Variants in CCDC171 observed in about 807,000 individuals in gnomAD.
CCDC171 encodes coiled-coil domain-containing protein 171.
CCDC171 carries 177 observed loss-of-function variants against 168.2 expected under a neutral mutation model. The ratio of observed to expected loss-of-function variants is 1.05; its 90% confidence interval spans 0.93 to 1.19. The LOEUF is 1.19. Among genes scored for constraint, CCDC171 ranks in the 50% most tolerant of loss-of-function variants. The probability of loss-of-function intolerance (pLI) is 0.00; values close to 1 mark genes in which losing one functional copy is unlikely to be tolerated. For missense variants in CCDC171, 1,991 were observed against 1,539.0 expected (o/e 1.29, Z -4.91); for synonymous variants, 687 against 540.8 (o/e 1.27, Z -3.75).
At chr9:16,100,700 G>T in the CCDC171 span, among the ~76,000 whole-genome samples, 1 of 152,180 alleles carries the variant, frequency 6.6e-6, no homozygotes, top group African/African-American at 2.4e-5. Flanking sequence ...TGCTGGCAAG[G>T]GTTGGAAGCA....
chr9:16,062,590 T>C (rs761843920), downstream of CCDC171, among the ~76,000 whole-genome samples: 31 of 152,198 alleles, frequency 2.0e-4, no homozygotes, highest in Admixed American at 3.3e-4. Context: ...AGTAAGGAGA[T>C]GACAAATTCA....
intron 4 of CCDC171, among the ~76,000 whole-genome samples, chr9:15,589,379 G>C (rs1458853781): frequency 6.6e-6 from 1 of 152,128 alleles, no homozygotes; most frequent in Non-Finnish European, 1.5e-5. Context: ...CACTGAGATG[G>C]CACTCCTCAA....
intron 21 of CCDC171, among the ~76,000 whole-genome samples, chr9:15,827,642 T>C (rs151337481): frequency 1.6e-3 from 244 of 152,314 alleles, no homozygotes; most frequent in Middle Eastern, 3.4e-3. Flanking sequence ...ATTAAAAGTT[T>C]CCATGTATCT....
At chr9:16,081,159 G>A in the CCDC171 span, among the ~76,000 whole-genome samples, 3 of 152,156 alleles carry the variant, frequency 2.0e-5, no homozygotes, top group Non-Finnish European at 4.4e-5. Context: ...AGCCCAGTGG[G>A]TTCTAACATG....
At chr9:15,807,857 T>C (rs2059150566) in intron 21 of CCDC171, among the ~76,000 whole-genome samples, 1 of 151,162 alleles carries the variant, frequency 6.6e-6, no homozygotes, top group African/African-American at 2.4e-5. Flanking sequence ...CTTGGAATCT[T>C]CCTTCTTGCT....
downstream of CCDC171, among the ~76,000 whole-genome samples, chr9:15,975,697 A>G (rs1354791200): frequency 6.6e-6 from 1 of 152,180 alleles, no homozygotes; most frequent in African/African-American, 2.4e-5. Flanking sequence ...TATGCCAAAT[A>G]AAGCTGATCA....
intron 10 of CCDC171, among the ~76,000 whole-genome samples, chr9:15,691,541 GTTTTTTATATATAT>G (rs1482331489): frequency 4.4e-5 from 5 of 114,836 alleles, no homozygotes; most frequent in South Asian, 2.9e-4. Flanking sequence ...GTAAATATAT[GTTTTTTATATATAT>G]ATATATATAT....
chr9:15,888,930 T>C (rs1398502561), intron 24 of CCDC171: 1 of 150,272 alleles, frequency 6.7e-6, no homozygotes, highest in Non-Finnish European at 1.5e-5. Flanking sequence ...ATATATGGTA[T>C]ATGCCTCATT....
intron 13 of CCDC171, 69 bp from the exon 14 acceptor site, chr9:15,724,707 T>C (rs532506094): frequency 1.0e-6 from 1 of 956,264 alleles, no homozygotes; most frequent in Non-Finnish European, 1.7e-6. Context: ...ATATGTGTTT[T>C]ATACTAGTGT....
the CCDC171 span, among the ~76,000 whole-genome samples, chr9:16,102,553 C>T: frequency 8.6e-5 from 13 of 151,984 alleles, no homozygotes; most frequent in African/African-American, 1.2e-4. Context: ...AAGGTGAAAC[C>T]GTCTAGAACC....
rs576705424 is a variant in CCDC171 at position 15,587,625 on chromosome 9, G to T, written c.353-3741G>T. 1.9e-4 allele frequency: 89 copies of T among 456,568 alleles called. No homozygotes were observed. The Middle Eastern group carries it at 7.5e-3, about 38-fold the overall frequency. 28.3% of individuals were successfully genotyped at this position (456,568 alleles called of 1,614,324 possible). On this transcript the variant is annotated intron_variant, in intron 4 of 25. Coordinates refer to ENST00000380701, the MANE Select transcript of CCDC171 (RefSeq NM_173550.4). ...ATGTTGGAGGTTTCCCAATAAATGA[G>T]CCATCCAGATCCTTCTCCAGCGAAG...
chr9:16,015,860 C>T (rs1016912528), intron 3 of CCDC171, among the ~76,000 whole-genome samples: 5 of 152,186 alleles, frequency 3.3e-5, no homozygotes, highest in African/African-American at 4.8e-5. Context: ...TAAGTTGACT[C>T]CTACAGTGTT....
rs141195707 is a variant in CCDC171 at position 15,806,164 on chromosome 9, C to T, written c.3267+21470C>T. On this transcript the variant is annotated intron_variant, in intron 21 of 25. Transcript: ENST00000380701. ...GATGAGTCTCTTGAAGACAGCATAC[C>T]GATGGGTCTTGGTTCTTTATCTAGC... 3.5e-4 allele frequency among the ~76,000 whole-genome samples: 53 copies of T among 152,072 alleles called. 2 individuals carry two copies. Among genetic ancestry groups the T allele is most frequent in the African/African-American group, 1.0e-3 (42 of 41,496 alleles).
chr9:15,860,611 A>G, intron 23 of CCDC171, among the ~76,000 whole-genome samples: 1 of 151,998 alleles, frequency 6.6e-6, no homozygotes, highest in East Asian at 1.9e-4. Context: ...ATAGTCAGAA[A>G]AGAAACTTGG....
intron 5 of CCDC171, among the ~76,000 whole-genome samples, chr9:15,593,221 G>A (rs773205198): frequency 9.9e-5 from 15 of 152,110 alleles, no homozygotes; most frequent in Non-Finnish European, 2.1e-4. Context: ...TGCTACCATT[G>A]TGTGGACATG....
intron 21 of CCDC171, among the ~76,000 whole-genome samples, chr9:15,840,790 A>G (rs2060646516): frequency 6.6e-6 from 1 of 151,018 alleles, no homozygotes; most frequent in African/African-American, 2.4e-5. Flanking sequence ...TTTTTTTGTC[A>G]TTTAAAATGT....
chr9:15,597,696 A>T (rs986251042), intron 6 of CCDC171, among the ~76,000 whole-genome samples: 2 of 152,072 alleles, frequency 1.3e-5, no homozygotes, highest in African/African-American at 2.4e-5. Context: ...TTTTCTATTG[A>T]TTGGAATAGT....
chr9:16,105,725 T>C, the CCDC171 span, among the ~76,000 whole-genome samples: 2 of 152,354 alleles, frequency 1.3e-5, no homozygotes, highest in South Asian at 2.1e-4. Context: ...TGGGTTTTTC[T>C]GTTGGCCTCT....
rs373262322 is a variant in CCDC171, at chr9:15,724,265, T to G, written c.1492-511T>G. Among the ~76,000 whole-genome samples the G allele has an allele frequency of 3.3e-5, 5 of 152,170 alleles. No individual in the cohort carries two copies. The East Asian group carries it at 9.6e-4, about 29-fold the overall frequency. ...TCAACTCTCAGAAGTTTCCCAGTAT[T>G]GCTGGAATTTCATTATGTTGTTTCA... On this transcript the variant is annotated intron_variant, in intron 13 of 25. Coordinates refer to ENST00000380701, the MANE Select transcript of CCDC171 (RefSeq NM_173550.4).
Sources: gnomAD v4.1 joint callset for allele counts (sites outside exome capture counted in the v4.1 genomes callset) on GRCh38, gnomAD v4.1.1 for gene constraint, MANE v1.5 for transcripts, NCBI Gene and HGNC (gene_info 2026-07-23, HGNC 2026-07-21) for gene names.